Variants in LHX8 observed in about 807,000 individuals in gnomAD.
The protein encoded by LHX8 is LIM homeobox 8, also known as LIM/homeobox protein Lhx8.
Under a neutral mutation model 40.3 loss-of-function variants are expected in LHX8, and 12 were observed. That is an observed-to-expected ratio of 0.30 (90% CI 0.19 to 0.48). The LOEUF (loss-of-function observed/expected upper bound fraction) is 0.48, where lower values mean the gene tolerates loss of function less well. Ranked by LOEUF, LHX8 falls within the 20% of genes least tolerant of loss-of-function variation. The pLI is 0.99. For synonymous variants in LHX8, 179 were observed against 162.0 expected (o/e 1.10, Z -0.80); for missense variants, 344 against 433.7 (o/e 0.79, Z 1.84).
In LHX8 at chr1:75,157,054, T is replaced by C. The variant is rs1257412948; in HGVS notation, c.942T>C (p.Thr314=). The change falls in exon 8 of 9, where the codon ACT becomes ACC. Residue 314 remains threonine (T), a synonymous_variant. Coordinates refer to ENST00000356261, the MANE Select transcript of LHX8 (RefSeq NM_001256114.2). ...AYVPQDGTML[T]ALHSYMDAHS... ...TGCCCCAAGATGGAACGATGTTAAC[T>C]GCGCTGCATAGTTATATGGATGGTA... 6.2e-7 allele frequency: 1 copy of C among 1,614,068 alleles called. No individual in the cohort carries two copies. The highest frequency in any genetic ancestry group is 1.3e-5 in the African/African-American group (1 of 74,932).
At chr1:75,197,107 A>G in the LHX8 span, among the ~76,000 whole-genome samples, 1 of 152,236 alleles carries the variant, frequency 6.6e-6, no homozygotes, top group African/African-American at 2.4e-5. Flanking sequence ...ATTTTATAAA[A>G]AGGGTAAATT....
the LHX8 span, among the ~76,000 whole-genome samples, chr1:75,169,324 C>T: frequency 2.0e-5 from 3 of 152,158 alleles, no homozygotes; most frequent in Non-Finnish European, 2.9e-5. Context: ...CTTAATCTCA[C>T]GGAGCCTGTT....
At position 75,161,259 on chromosome 1, in the gene LHX8, A is replaced by G. The variant is rs142785057; in HGVS notation, c.*364A>G. 837 of 225,680 alleles carry G rather than the reference A, an allele frequency of 3.7e-3. 4 individuals are homozygous for G. The highest frequency in any genetic ancestry group is 0.019 in the African/African-American group (811 of 42,954). The allele number at this position is 225,680 out of a possible 1,614,324, so 14.0% of individuals were successfully genotyped here. On this transcript the variant is annotated 3_prime_UTR_variant, in exon 9 of 9. Coordinates refer to ENST00000356261, the MANE Select transcript of LHX8 (RefSeq NM_001256114.2). ...ATCTTTTGTGAAATTGTAGTTTATC[A>G]TTAGTTTGTATCTGTAAGTTATTGT...
chr1:75,137,176 C>G lies in LHX8; in HGVS notation c.152C>G (p.Ser51Cys). 6.2e-7 allele frequency: 1 copy of G among 1,613,524 alleles called. No homozygotes were observed. The change falls in exon 3 of 9, where the codon TCC becomes TGC. Residue 51 changes from serine (S) to cysteine (C), a missense_variant. Ser to Cys is a moderately radical substitution (Grantham distance 112, BLOSUM62 -1). This residue lies in a region of LHX8 where 108 missense variants were observed against 90.1 expected (regional missense o/e 1.20). Coordinates refer to ENST00000356261, the MANE Select transcript of LHX8 (RefSeq NM_001256114.2). The stretch of plus-strand genomic sequence containing the variant: ...CTGTCCCCGTCGTCCTCGCCCCGGT[C>G]CATGGCCTCGGGCTCCGGCTGCCCT... Reference protein sequence around the residue: ...APLSPSSSPRSMASGSGCPPG... With the variant: ...APLSPSSSPRCMASGSGCPPG...
intron 3 of LHX8, among the ~76,000 whole-genome samples, chr1:75,137,703 TAGA>T (rs1648193977): frequency 6.6e-6 from 1 of 152,220 alleles, no homozygotes; most frequent in Non-Finnish European, 1.5e-5. Flanking sequence ...CATGACTGCT[TAGA>T]AGAATTTTAA....
At chr1:75,198,117 T>C in the LHX8 span, among the ~76,000 whole-genome samples, 1 of 152,174 alleles carries the variant, frequency 6.6e-6, no homozygotes, top group Non-Finnish European at 1.5e-5. Context: ...TCTTGGGTAC[T>C]CCGAAAGAGT....
the LHX8 span, among the ~76,000 whole-genome samples, chr1:75,168,102 T>G: frequency 6.6e-6 from 1 of 152,224 alleles, no homozygotes; most frequent in African/African-American, 2.4e-5. Flanking sequence ...TAATATAGGT[T>G]AAAATGTAAA....
the LHX8 span, among the ~76,000 whole-genome samples, chr1:75,178,790 G>T: frequency 6.6e-6 from 1 of 152,070 alleles, no homozygotes; most frequent in Non-Finnish European, 1.5e-5. Context: ...GATCTTTCTT[G>T]CTTTCTCTTG....
At chr1:75,194,513 T>G in the LHX8 span, among the ~76,000 whole-genome samples, 1 of 152,218 alleles carries the variant, frequency 6.6e-6, no homozygotes, top group Non-Finnish European at 1.5e-5. Context: ...TTCACTGTAA[T>G]TCCCTGCATT....
At chr1:75,185,065 T>C in the LHX8 span, among the ~76,000 whole-genome samples, 1 of 151,668 alleles carries the variant, frequency 6.6e-6, no homozygotes, top group African/African-American at 2.4e-5. Context: ...AAGAAATTGA[T>C]TCCCTGAACA....
At chr1:75,186,333 AC>A in the LHX8 span, among the ~76,000 whole-genome samples, 1 of 152,162 alleles carries the variant, frequency 6.6e-6, no homozygotes, top group Non-Finnish European at 1.5e-5. Context: ...TAGTACTGGT[AC>A]AACAACAGAC....
chr1:75,133,398 C>G (rs752073620), upstream of LHX8, among the ~76,000 whole-genome samples: 39 of 152,040 alleles, frequency 2.6e-4, no homozygotes, highest in Non-Finnish European at 3.8e-4. Context: ...TCTTTTTCTT[C>G]TATACAAATA....
At chr1:75,142,533 C>G (rs1486097714) in intron 4 of LHX8, among the ~76,000 whole-genome samples, 3 of 152,144 alleles carry the variant, frequency 2.0e-5, no homozygotes, top group Non-Finnish European at 4.4e-5. Context: ...AGCTTTTTCA[C>G]CAAAGGAAAC....
the LHX8 span, among the ~76,000 whole-genome samples, chr1:75,189,930 TC>T: frequency 5.3e-5 from 8 of 152,230 alleles, no homozygotes; most frequent in African/African-American, 1.9e-4. Flanking sequence ...ATTTACTCAT[TC>T]ATTTTTTATT....
intron 7 of LHX8, among the ~76,000 whole-genome samples, chr1:75,151,908 CT>C (rs1466119877): frequency 6.6e-6 from 1 of 152,198 alleles, no homozygotes; most frequent in African/African-American, 2.4e-5. Flanking sequence ...AGCAAGTTAA[CT>C]TTGTCCTAAG....
chr1:75,162,913 A>G (rs1249331860), downstream of LHX8, among the ~76,000 whole-genome samples: 1 of 152,100 alleles, frequency 6.6e-6, no homozygotes, highest in East Asian at 1.9e-4. Context: ...TTTTGTGAAG[A>G]TTAGAGAAAG....
the LHX8 span, among the ~76,000 whole-genome samples, chr1:75,189,692 A>C: frequency 6.6e-6 from 1 of 152,196 alleles, no homozygotes; most frequent in Non-Finnish European, 1.5e-5. Context: ...TGTCATAAAA[A>C]CAATAATATA....
chr1:75,176,343 GACTTTTTAATGATC>G, the LHX8 span, among the ~76,000 whole-genome samples: 1 of 152,106 alleles, frequency 6.6e-6, no homozygotes, highest in Non-Finnish European at 1.5e-5. Context: ...ATTGTTTCCT[GACTTTTTAATGATC>G]ACTATTCTAA....
chr1:75,141,068 T>G lies in LHX8; in HGVS notation c.321T>G (p.Ile107Met), dbSNP rs1454526403. 1 of 1,613,556 alleles carries G rather than the reference T, an allele frequency of 6.2e-7. No homozygotes were observed. Among genetic ancestry groups the G allele is most frequent in the South Asian group, 1.1e-5 (1 of 91,074 alleles). ...TAGGAAGGCACACCAGCTGTTATATTAAAGACAAAGACATTTTCTGCAAAC... is the reference window on the plus strand; with the variant it reads ...TAGGAAGGCACACCAGCTGTTATATGAAAGACAAAGACATTTTCTGCAAAC... ...TSLGRHTSCY[I>M]KDKDIFCKLD... The change falls in exon 4 of 9, where the codon ATT (isoleucine) becomes ATG (methionine). Residue 107 changes from isoleucine (I) to methionine (M), a missense_variant. Coordinates refer to ENST00000356261, the MANE Select transcript of LHX8 (RefSeq NM_001256114.2).
Sources: gnomAD v4.1 joint callset for allele counts (sites outside exome capture counted in the v4.1 genomes callset) on GRCh38, gnomAD v4.1.1 for gene constraint, gnomAD v4.1.1 regional missense constraint, MANE v1.5 for transcripts, NCBI Gene and HGNC (gene_info 2026-07-23, HGNC 2026-07-21) for gene names.